The following PLEKHG4B variants were observed in gnomAD, a reference collection of about 807,000 sequenced individuals.
The protein encoded by PLEKHG4B is pleckstrin homology and RhoGEF domain containing G4B.
In PLEKHG4B, 111 loss-of-function variants were observed where a neutral mutation model predicts 121.3. The observed-to-expected ratio is 0.92, with a 90% CI of 0.78 to 1.07. The LOEUF (loss-of-function observed/expected upper bound fraction) is 1.07. PLEKHG4B is among the 50% of genes least tolerant of loss of function. The probability of loss-of-function intolerance (pLI) is 0.00; values close to 1 mark genes in which losing one functional copy is unlikely to be tolerated. For synonymous variants in PLEKHG4B, 738 were observed against 725.0 expected (o/e 1.02, Z -0.29); for missense variants, 1,831 against 1,757.8 (o/e 1.04, Z -0.74).
At chr5:111,201 G>A (rs1368025132) in intron 1 of PLEKHG4B, among the ~76,000 whole-genome samples, 10 of 152,246 alleles carry the variant, frequency 6.6e-5, no homozygotes, top group African/African-American at 1.9e-4. Flanking sequence ...AGGAGCATTC[G>A]AAGGCTGCTA....
chr5:114,468 G>T (rs963366150), intron 2 of PLEKHG4B, among the ~76,000 whole-genome samples: 2 of 152,064 alleles, frequency 1.3e-5, no homozygotes, highest in African/African-American at 4.8e-5. Flanking sequence ...GTGTTTGTTT[G>T]TTTTTTTGAG....
intron 17 of PLEKHG4B, among the ~76,000 whole-genome samples, chr5:173,420 G>A (rs1023116186): frequency 6.6e-6 from 1 of 152,030 alleles, no homozygotes; most frequent in African/African-American, 2.4e-5. Flanking sequence ...GATGCACCAC[G>A]TTGGGCAGGT....
intron 2 of PLEKHG4B, among the ~76,000 whole-genome samples, chr5:123,040 TTAA>T: frequency 6.6e-6 from 1 of 152,326 alleles, no homozygotes; most frequent in East Asian, 1.9e-4. Flanking sequence ...CTGAACAACG[TTAA>T]TAATAAACTT....
intron 1 of PLEKHG4B, among the ~76,000 whole-genome samples, chr5:98,984 G>A (rs1351030245): frequency 5.6e-5 from 8 of 142,382 alleles, no homozygotes; most frequent in Admixed American, 2.8e-4. Context: ...GTGAAACCCC[G>A]TCTCTACTAA....
chr5:168,224 C>T (rs1287132180), intron 13 of PLEKHG4B, among the ~76,000 whole-genome samples: 3 of 152,204 alleles, frequency 2.0e-5, no homozygotes, highest in African/African-American at 7.2e-5. Flanking sequence ...ACAAACCCTG[C>T]TTGGCAGCCC....
chr5:157,127 ATT>A lies in PLEKHG4B; in HGVS notation c.2487+218_2487+219del. The A allele has an allele frequency of 1.4e-6, 1 of 692,986 alleles. No homozygotes were observed. The highest frequency in any genetic ancestry group is 2.4e-6 in the Non-Finnish European group (1 of 424,542). 42.9% of individuals were successfully genotyped at this position (692,986 alleles called of 1,614,324 possible). ...GATACTGGATCAGTGGAGAAAAAAA[ATT>A]TGTTTAATCCAGAGGAGGCCAGGGA... On this transcript the variant is annotated intron_variant, in intron 11 of 19. Transcript: ENST00000637938. This position sits in a 1 kb window ranked among gnomAD's most constrained non-coding sequence, Gnocchi z 4.6.
chr5:96,308 T>C (rs1428802084), intron 1 of PLEKHG4B, among the ~76,000 whole-genome samples: 1 of 152,218 alleles, frequency 6.6e-6, no homozygotes, highest in East Asian at 1.9e-4. Context: ...TCTATGATTC[T>C]GAAATGAGAG....
intron 11 of PLEKHG4B, among the ~76,000 whole-genome samples, chr5:160,477 T>C (rs1735958156): frequency 6.6e-6 from 1 of 151,936 alleles, no homozygotes; most frequent in African/African-American, 2.4e-5. Flanking sequence ...CCCTAAACAG[T>C]GTGCCCTCAG....
chr5:94,343 C>T (rs949335207), intron 1 of PLEKHG4B, among the ~76,000 whole-genome samples: 5 of 152,240 alleles, frequency 3.3e-5, no homozygotes, highest in African/African-American at 1.2e-4. Context: ...ACCTCAGGTG[C>T]CACGTGTGTG....
intron 1 of PLEKHG4B, among the ~76,000 whole-genome samples, chr5:95,030 C>T (rs563757710): frequency 7.9e-5 from 12 of 152,310 alleles, no homozygotes; most frequent in Admixed American, 3.3e-4. Context: ...CTGCCTATGT[C>T]GTTGTGATAT....
intron 1 of PLEKHG4B, among the ~76,000 whole-genome samples, chr5:109,328 T>C (rs1579241884): frequency 1.5e-5 from 2 of 129,370 alleles, no homozygotes; most frequent in African/African-American, 3.1e-5. Context: ...ACCCGGGAGG[T>C]GGAGGTTGCA....
At chr5:129,181 AC>A (rs1167750391) in intron 2 of PLEKHG4B, among the ~76,000 whole-genome samples, 1 of 152,172 alleles carries the variant, frequency 6.6e-6, no homozygotes, top group Non-Finnish European at 1.5e-5. Context: ...TCTTCTCCTG[AC>A]CCAGGAGAGG....
At chr5:155,574 T>C in intron 9 of PLEKHG4B, 131 bp downstream of exon 9, 1 of 706,704 alleles carries the variant, frequency 1.4e-6, no homozygotes, top group Non-Finnish European at 2.5e-6. Flanking sequence ...TCCTTTTTCA[T>C]TTGTAGATCC....
At chr5:161,440 C>T (rs775212312) in intron 11 of PLEKHG4B, among the ~76,000 whole-genome samples, 4 of 152,242 alleles carry the variant, frequency 2.6e-5, no homozygotes, top group South Asian at 2.1e-4. Flanking sequence ...TGTTCATTCA[C>T]GGGTGGTTAC....
rs115910379 is a variant in PLEKHG4B, at chr5:122,376, G to T, written c.243+8928G>T. ...CAAAAAAAGGCAAGAGCAACTGAAC[G>T]TTCGTTGTATAAAATGCCCTTTATT... On this transcript the variant is annotated intron_variant, in intron 2 of 19. Coordinates refer to ENST00000637938, the MANE Select transcript of PLEKHG4B (RefSeq NM_052909.5). Among the ~76,000 whole-genome samples, 864 of 152,040 alleles carry T rather than the reference G, an allele frequency of 5.7e-3. 12 individuals carry two copies. The highest frequency in any genetic ancestry group is 0.02 in the African/African-American group (817 of 41,474).
intron 2 of PLEKHG4B, among the ~76,000 whole-genome samples, chr5:130,474 C>G (rs1734747617): frequency 6.6e-6 from 1 of 152,220 alleles, no homozygotes; most frequent in African/African-American, 2.4e-5. Flanking sequence ...GGGAGGTTAC[C>G]TGTCCCATTG....
intron 14 of PLEKHG4B, 79 bp downstream of exon 14, chr5:169,671 C>T (rs1736476755): frequency 2.6e-6 from 4 of 1,568,328 alleles, no homozygotes; most frequent in South Asian, 1.2e-5. Context: ...CTACAGGGCC[C>T]ACGTGTCAGG....
chr5:179,084 G>T (rs1736854273), intron 18 of PLEKHG4B, among the ~76,000 whole-genome samples: 1 of 152,144 alleles, frequency 6.6e-6, no homozygotes, highest in South Asian at 2.1e-4. Context: ...TATTAATATA[G>T]CTATTCCAGT....
chr5:115,941 G>T (rs934072690), intron 2 of PLEKHG4B, among the ~76,000 whole-genome samples: 1 of 152,190 alleles, frequency 6.6e-6, no homozygotes, highest in Admixed American at 6.5e-5. Context: ...GTGTTCCTTA[G>T]AGTGGACTTT....
Sources: gnomAD v4.1 joint callset for allele counts (sites outside exome capture counted in the v4.1 genomes callset) on GRCh38, gnomAD v4.1.1 for gene constraint, Gnocchi (gnomAD v3.1) non-coding constraint, MANE v1.5 for transcripts, NCBI Gene and HGNC (gene_info 2026-07-23, HGNC 2026-07-21) for gene names.